The following CAMKMT variants were observed in gnomAD, a reference collection of about 807,000 sequenced individuals.
CAMKMT encodes calmodulin-lysine N-methyltransferase, also known as CaM KMT.
A neutral mutation model predicts 48.0 loss-of-function variants in CAMKMT; 53 were observed. The observed-to-expected ratio is 1.10, with a 90% CI of 0.89 to 1.39. The LOEUF (loss-of-function observed/expected upper bound fraction) is 1.39, where lower values mean the gene tolerates loss of function less well. Among genes scored for constraint, CAMKMT ranks in the 40% most tolerant of loss-of-function variants. The probability of loss-of-function intolerance (pLI) is 0.00; values close to 1 mark genes in which losing one functional copy is unlikely to be tolerated. For missense variants in CAMKMT, 428 were observed against 402.7 expected (o/e 1.06, Z -0.54); for synonymous variants, 165 against 152.3 (o/e 1.08, Z -0.61).
intron 2 of CAMKMT, among the ~76,000 whole-genome samples, chr2:44,375,369 T>A (rs913819091): frequency 1.3e-5 from 2 of 151,340 alleles, no homozygotes; most frequent in Non-Finnish European, 2.9e-5. Flanking sequence ...GCACCTTCTA[T>A]ATATATATAA....
chr2:44,488,631 A>G (rs1223557998), intron 3 of CAMKMT, among the ~76,000 whole-genome samples: 1 of 151,824 alleles, frequency 6.6e-6, no homozygotes, highest in East Asian at 1.9e-4. Flanking sequence ...GAGCCCAGGA[A>G]GTGAAGGTTG....
intron 3 of CAMKMT, among the ~76,000 whole-genome samples, chr2:44,675,701 T>G (rs1229550210): frequency 6.6e-6 from 1 of 152,234 alleles, no homozygotes; most frequent in East Asian, 1.9e-4. Flanking sequence ...TTGCATCATT[T>G]TAAGTGTACA....
chr2:44,385,444 T>C (rs963234801), intron 2 of CAMKMT, among the ~76,000 whole-genome samples: 1 of 152,206 alleles, frequency 6.6e-6, no homozygotes, highest in Admixed American at 6.5e-5. Context: ...CAGTTTGACT[T>C]CCTCTTTACT....
intron 6 of CAMKMT, among the ~76,000 whole-genome samples, chr2:44,712,427 A>G (rs1308687758): frequency 6.6e-6 from 1 of 152,136 alleles, no homozygotes; most frequent in African/African-American, 2.4e-5. Flanking sequence ...ATGCATACAT[A>G]TAACATGTAT....
Position 44,499,176 on chromosome 2 carries a change from G to C in CAMKMT, c.376+108871G>C, listed in dbSNP as rs143732016. 1.2e-3 allele frequency among the ~76,000 whole-genome samples: 178 copies of C among 152,274 alleles called. 1 individual carries two copies. Among genetic ancestry groups the C allele is most frequent in the African/African-American group, 4.0e-3 (166 of 41,562 alleles). The stretch of plus-strand genomic sequence containing the variant: ...AATCATTTATCCTCAAGAATAGGCA[G>C]ATATATGGAGAAACTTGTAAGTATT... On this transcript the variant is annotated intron_variant, in intron 3 of 10. Transcript: ENST00000378494.
intron 3 of CAMKMT, among the ~76,000 whole-genome samples, chr2:44,413,561 A>G (rs1683356105): frequency 6.6e-6 from 1 of 151,828 alleles, no homozygotes. Context: ...CTGAGGCAGG[A>G]GAATCGGTTG....
chr2:44,448,549 A>T (rs1306640120), intron 3 of CAMKMT, among the ~76,000 whole-genome samples: 1 of 152,188 alleles, frequency 6.6e-6, no homozygotes, highest in African/African-American at 2.4e-5. Context: ...CACAGCTATT[A>T]AGCCTTGGTA....
chr2:44,564,418 A>G (rs1572811241), intron 3 of CAMKMT, among the ~76,000 whole-genome samples: 1 of 151,956 alleles, frequency 6.6e-6, no homozygotes, highest in Non-Finnish European at 1.5e-5. Flanking sequence ...CAACTGATCC[A>G]CCTGCCTCGG....
At chr2:44,492,262 A>T (rs1323558915) in intron 3 of CAMKMT, among the ~76,000 whole-genome samples, 1 of 152,168 alleles carries the variant, frequency 6.6e-6, no homozygotes, top group African/African-American at 2.4e-5. Context: ...GAAGCAGATC[A>T]TATTTGAAAA....
intron 9 of CAMKMT, among the ~76,000 whole-genome samples, 193 bp from the exon 10 acceptor site, chr2:44,766,237 G>A (rs190496848): frequency 1.1e-4 from 17 of 152,296 alleles, no homozygotes; most frequent in Admixed American, 1.0e-3. Context: ...ATTTGGATGT[G>A]AAATCGATTC....
At chr2:44,470,631 A>T (rs1168893383) in intron 3 of CAMKMT, among the ~76,000 whole-genome samples, 1 of 152,196 alleles carries the variant, frequency 6.6e-6, no homozygotes, top group African/African-American at 2.4e-5. Context: ...TAAGAAGCTG[A>T]TTATTGAATT....
chr2:44,640,558 A>T (rs779593388), intron 3 of CAMKMT, among the ~76,000 whole-genome samples: 7 of 152,204 alleles, frequency 4.6e-5, no homozygotes, highest in African/African-American at 1.4e-4. Flanking sequence ...TTCCTCATAC[A>T]TAACAGTGTT....
chr2:44,703,561 C>T (rs1317661431), intron 3 of CAMKMT, among the ~76,000 whole-genome samples: 2 of 151,886 alleles, frequency 1.3e-5, no homozygotes, highest in African/African-American at 4.8e-5. Context: ...AGGCAGATCA[C>T]GAGGTCAGGA....
chr2:44,397,830 A>G (rs1681999582), intron 3 of CAMKMT, among the ~76,000 whole-genome samples: 1 of 152,242 alleles, frequency 6.6e-6, no homozygotes, highest in South Asian at 2.1e-4. Context: ...CTATCATGGG[A>G]ACTGACTGAA....
At chr2:44,755,601 A>C (rs1680337824) in intron 9 of CAMKMT, among the ~76,000 whole-genome samples, 1 of 152,180 alleles carries the variant, frequency 6.6e-6, no homozygotes, top group East Asian at 1.9e-4. Flanking sequence ...GCAGATTTGC[A>C]TGATTTACCT....
chr2:44,723,393 C>A (rs1021494508), intron 7 of CAMKMT, among the ~76,000 whole-genome samples: 3 of 152,108 alleles, frequency 2.0e-5, no homozygotes, highest in African/African-American at 7.2e-5. Flanking sequence ...GAGTTCAAGA[C>A]CTGCGTGGCC....
chr2:44,501,053 T>G (rs1669983106), intron 3 of CAMKMT, among the ~76,000 whole-genome samples: 1 of 151,724 alleles, frequency 6.6e-6, no homozygotes, highest in African/African-American at 2.4e-5. Flanking sequence ...TTTTTAACCT[T>G]ATATATTTTG....
At chr2:44,524,524 CT>C (rs918898520) in intron 3 of CAMKMT, among the ~76,000 whole-genome samples, 71 of 151,802 alleles carry the variant, frequency 4.7e-4, no homozygotes, top group African/African-American at 1.7e-3. Flanking sequence ...CTCCTCCTTT[CT>C]TTTTTTTCTT....
rs1004643743 is a variant in CAMKMT, at chr2:44,620,129, C to T, written c.377-84154C>T. On this transcript the variant is annotated intron_variant, in intron 3 of 10. Transcript: ENST00000378494. ...ATCTAAAAAGACTTAGCAATAATTT[C>T]TTAATATAATTAAGATAGAATTAGT... is the stretch of plus-strand genomic sequence containing the variant. Among the ~76,000 whole-genome samples, 5 of 152,128 alleles carry T rather than the reference C, an allele frequency of 3.3e-5. No homozygotes were observed. In the East Asian group the frequency reaches 9.6e-4, roughly 29 times the overall value.
Sources: allele counts gnomAD v4.1 joint callset (sites outside exome capture counted in the v4.1 genomes callset), GRCh38; gene constraint gnomAD v4.1.1; transcripts MANE v1.5; gene names NCBI Gene and HGNC (gene_info 2026-07-23, HGNC 2026-07-21).